Variants in NAALADL2 observed in about 807,000 individuals in gnomAD.
NAALADL2 encodes N-acetylated alpha-linked acidic dipeptidase like 2, also known as inactive N-acetylated-alpha-linked acidic dipeptidase-like protein 2.
In NAALADL2, 76 loss-of-function variants were observed where a neutral mutation model predicts 87.2. The observed-to-expected ratio is 0.87, with a 90% CI of 0.72 to 1.05. The LOEUF (loss-of-function observed/expected upper bound fraction) is 1.05, where lower values mean the gene tolerates loss of function less well. Ranked by LOEUF, NAALADL2 falls within the 50% of genes least tolerant of loss-of-function variation. The probability of loss-of-function intolerance (pLI) is 0.00; values close to 1 mark genes in which losing one functional copy is unlikely to be tolerated. For missense variants in NAALADL2, 1,089 were observed against 945.8 expected (o/e 1.15, Z -1.99); for synonymous variants, 354 against 331.0 (o/e 1.07, Z -0.75).
chr3:175,258,315 C>T (rs202176581), intron 4 of NAALADL2, among the ~76,000 whole-genome samples: 1 of 91,206 alleles, frequency 1.1e-5, no homozygotes, highest in Non-Finnish European at 2.1e-5. Flanking sequence ...GTCCCTCCGC[C>T]CCCACCACCA....
At chr3:175,452,219 T>C (rs970266013) in intron 6 of NAALADL2, among the ~76,000 whole-genome samples, 31 of 120,930 alleles carry the variant, frequency 2.6e-4, no homozygotes, top group African/African-American at 7.9e-4. Context: ...CATTAAAGAA[T>C]GTCTTCAGAT....
chr3:175,198,448 A>G (rs893553638), intron 2 of NAALADL2, among the ~76,000 whole-genome samples: 1 of 152,106 alleles, frequency 6.6e-6, no homozygotes, highest in Admixed American at 6.6e-5. Flanking sequence ...TTTACAAATG[A>G]AGCTTAAAAA....
intron 1 of NAALADL2, among the ~76,000 whole-genome samples, chr3:174,945,853 C>T (rs935298115): frequency 1.3e-5 from 2 of 151,972 alleles, no homozygotes; most frequent in Non-Finnish European, 2.9e-5. Flanking sequence ...CAAGACCATC[C>T]TGGCTAACAC....
At chr3:175,204,227 T>C (rs1740487485) in intron 2 of NAALADL2, among the ~76,000 whole-genome samples, 1 of 152,100 alleles carries the variant, frequency 6.6e-6, no homozygotes, top group African/African-American at 2.4e-5. Flanking sequence ...TCCAACAACA[T>C]ATGAAAAAGA....
intron 3 of NAALADL2, among the ~76,000 whole-genome samples, chr3:174,796,189 GA>G (rs1718062354): frequency 6.6e-6 from 1 of 152,154 alleles, no homozygotes; most frequent in Non-Finnish European, 1.5e-5. Flanking sequence ...GAGCCAAAGA[GA>G]AAGGGCTCAG....
chr3:175,097,185 C>T lies in NAALADL2; in HGVS notation c.439C>T (p.His147Tyr). 3.7e-6 allele frequency: 6 copies of T among 1,613,606 alleles called. No homozygotes were observed. Among genetic ancestry groups the T allele is most frequent in the Non-Finnish European group, 5.1e-6 (6 of 1,179,574 alleles). The change falls in exon 2 of 14, where the codon CAT (histidine) becomes TAT (tyrosine). Residue 147 changes from histidine (H) to tyrosine (Y), a missense_variant. By Grantham distance (83) the His-to-Tyr change is moderately conservative. Transcript: ENST00000454872. The part of the protein sequence containing the change: ...IFGILIGYYV[H>Y]TNCPSDAPSS... Reference sequence around the variant, plus strand: ...TGGGATTTTGATAGGTTATTATGTACATACAAATTGCCCTTCAGATGCTCC... The same window carrying T: ...TGGGATTTTGATAGGTTATTATGTATATACAAATTGCCCTTCAGATGCTCC...
chr3:174,700,970 G>A (rs892991241), intron 2 of NAALADL2, among the ~76,000 whole-genome samples: 11 of 152,070 alleles, frequency 7.2e-5, no homozygotes, highest in African/African-American at 2.7e-4. Context: ...ATGCCAATCT[G>A]ACTGCAGCAT....
At chr3:174,624,263 T>A (rs1251177321) in intron 2 of NAALADL2, among the ~76,000 whole-genome samples, 1 of 152,176 alleles carries the variant, frequency 6.6e-6, no homozygotes, top group Admixed American at 6.5e-5. Flanking sequence ...TTAATTCTGG[T>A]CTTCTAAATT....
chr3:175,338,594 CAAA>C (rs59687897), intron 5 of NAALADL2, among the ~76,000 whole-genome samples: 26 of 41,976 alleles, frequency 6.2e-4, no homozygotes, highest in African/African-American at 2.1e-3. Flanking sequence ...ATACAAAAAC[CAAA>C]AAAAAAAAAA....
chr3:175,220,183 T>TTTTA (rs139739084), intron 2 of NAALADL2, among the ~76,000 whole-genome samples: 2 of 151,358 alleles, frequency 1.3e-5, no homozygotes, highest in Non-Finnish European at 3.0e-5. Flanking sequence ...TGATGATAAT[T>TTTTA]TTTCTTGTAA....
At chr3:175,673,674 T>TA (rs1582851757) in intron 11 of NAALADL2, among the ~76,000 whole-genome samples, 1 of 152,106 alleles carries the variant, frequency 6.6e-6, no homozygotes, top group East Asian at 1.9e-4. Context: ...TTCCTCATGT[T>TA]TATGTTCCCT....
chr3:174,977,483 AAATT>A (rs1197190187), intron 1 of NAALADL2, among the ~76,000 whole-genome samples: 2 of 152,184 alleles, frequency 1.3e-5, no homozygotes, highest in African/African-American at 4.8e-5. Flanking sequence ...TCTTCACTAT[AAATT>A]AGTGTGGTTG....
chr3:174,583,021 A>G (rs564230375), intron 2 of NAALADL2, among the ~76,000 whole-genome samples: 2 of 152,372 alleles, frequency 1.3e-5, no homozygotes, highest in Non-Finnish European at 2.9e-5. Context: ...CACAACGTCC[A>G]TTATAGTTGT....
chr3:175,361,815 G>A (rs546336540), intron 5 of NAALADL2, among the ~76,000 whole-genome samples: 4 of 148,226 alleles, frequency 2.7e-5, no homozygotes, highest in East Asian at 2.0e-4. Context: ...CATTCTGTAG[G>A]TTGCCTGCTC....
chr3:175,734,207 C>T (rs1438672250), intron 11 of NAALADL2, among the ~76,000 whole-genome samples: 1 of 152,200 alleles, frequency 6.6e-6, no homozygotes, highest in African/African-American at 2.4e-5. Flanking sequence ...GGCCTCGCCC[C>T]TGCAACAAAT....
intron 2 of NAALADL2, among the ~76,000 whole-genome samples, chr3:174,576,689 G>A (rs908453939): frequency 2.6e-5 from 4 of 152,102 alleles, no homozygotes; most frequent in Non-Finnish European, 4.4e-5. Flanking sequence ...TCTGTGTTGG[G>A]GTTGAGAGCT....
chr3:174,996,890 T>G (rs1264558921), intron 1 of NAALADL2, among the ~76,000 whole-genome samples: 1 of 152,032 alleles, frequency 6.6e-6, no homozygotes, highest in South Asian at 2.1e-4. Flanking sequence ...ATACAATATT[T>G]GGTTTTCCAT....
intron 1 of NAALADL2, among the ~76,000 whole-genome samples, chr3:174,452,837 C>T (rs528115861): frequency 6.6e-6 from 1 of 152,050 alleles, no homozygotes; most frequent in East Asian, 1.9e-4. Context: ...TGAGAAAGAA[C>T]CAGTGCAAGA....
intron 4 of NAALADL2, among the ~76,000 whole-genome samples, chr3:175,258,321 CACCA>C (rs1396792856): frequency 1.8e-3 from 195 of 108,208 alleles, no homozygotes; most frequent in Admixed American, 5.1e-3. Flanking sequence ...CCGCCCCCAC[CACCA>C]AAAAAAAAAA....
Sources: allele counts gnomAD v4.1 joint callset (sites outside exome capture counted in the v4.1 genomes callset), GRCh38; gene constraint gnomAD v4.1.1; transcripts MANE v1.5; gene names NCBI Gene and HGNC (gene_info 2026-07-23, HGNC 2026-07-21).